The following MTCH2 variants were observed in gnomAD, a reference collection of about 807,000 sequenced individuals.
The protein encoded by MTCH2 is mitochondrial carrier homolog 2.
MTCH2 carries 25 observed loss-of-function variants against 50.6 expected under a neutral mutation model. The observed-to-expected ratio is 0.49, with a 90% CI of 0.36 to 0.69. The LOEUF is 0.69. Ranked by LOEUF, MTCH2 falls within the 30% of genes least tolerant of loss-of-function variation. The probability of loss-of-function intolerance (pLI) is 0.00; values close to 1 mark genes in which losing one functional copy is unlikely to be tolerated. For synonymous variants in MTCH2, 106 were observed against 132.0 expected (o/e 0.80, Z 1.35); for missense variants, 273 against 384.4 (o/e 0.71, Z 2.42).
At chr11:47,619,012 A>C in intron 12 of MTCH2, 93 bp from the exon 13 acceptor site, 1 of 1,121,686 alleles carries the variant, frequency 8.9e-7, no homozygotes, top group Non-Finnish European at 1.3e-6. Flanking sequence ...GGGAGACGTG[A>C]CTAAATCTAG....
At chr11:47,641,226 C>T (rs73465695) in intron 1 of MTCH2, among the ~76,000 whole-genome samples, 3,192 of 152,284 alleles carry the variant, frequency 0.021, 73 homozygotes, top group African/African-American at 0.061. Context: ...CATGCTGTCA[C>T]CTCCGATGCT....
chr11:47,611,546 T>G, the MTCH2 span, among the ~76,000 whole-genome samples: 1 of 152,256 alleles, frequency 6.6e-6, no homozygotes, highest in Non-Finnish European at 1.5e-5. Flanking sequence ...TAGTCCATTC[T>G]CTTGGCTGCC....
the MTCH2 span, among the ~76,000 whole-genome samples, chr11:47,605,445 A>G: frequency 1.3e-5 from 2 of 151,984 alleles, no homozygotes; most frequent in African/African-American, 2.4e-5. Context: ...ATCTAAATGC[A>G]GGTCTCTCCA....
intron 1 of MTCH2, among the ~76,000 whole-genome samples, chr11:47,640,658 C>T (rs991530489): frequency 6.6e-6 from 1 of 152,052 alleles, no homozygotes; most frequent in South Asian, 2.1e-4. Flanking sequence ...TCAGGTGAAC[C>T]GCCTGTTTCA....
At chr11:47,633,339 T>C (rs2097305078) in intron 5 of MTCH2, among the ~76,000 whole-genome samples, 1 of 149,184 alleles carries the variant, frequency 6.7e-6, no homozygotes, top group Admixed American at 6.8e-5. Context: ...CTCAATCTCC[T>C]GACTTCGTGA....
downstream of MTCH2, among the ~76,000 whole-genome samples, chr11:47,614,868 G>A (rs185656012): frequency 4.8e-3 from 729 of 152,022 alleles, 5 homozygotes; most frequent in Non-Finnish European, 7.6e-3. Flanking sequence ...GTGAGCCACC[G>A]CACCCAGTCT....
intron 5 of MTCH2, among the ~76,000 whole-genome samples, chr11:47,633,112 T>C (rs2097304724): frequency 1.4e-5 from 1 of 69,508 alleles, no homozygotes; most frequent in African/African-American, 5.5e-5. Flanking sequence ...CATGTATCCC[T>C]GCTTTTTTTT....
chr11:47,630,253 C>T (rs747266043), intron 8 of MTCH2, among the ~76,000 whole-genome samples: 9 of 152,246 alleles, frequency 5.9e-5, no homozygotes, highest in Middle Eastern at 3.4e-3. Context: ...GTGATCCAAC[C>T]GCCTTGGCCT....
chr11:47,632,559 C>T (rs957796661), intron 5 of MTCH2, among the ~76,000 whole-genome samples: 4 of 151,902 alleles, frequency 2.6e-5, no homozygotes, highest in Admixed American at 1.3e-4. Flanking sequence ...ACGGTTTCAC[C>T]GTGTTAGCCA....
At chr11:47,633,143 G>A (rs188968171) in intron 5 of MTCH2, among the ~76,000 whole-genome samples, 128 of 126,938 alleles carry the variant, frequency 1.0e-3, no homozygotes, top group Middle Eastern at 0.014. Context: ...AGGGAGTCTC[G>A]CTGTCTCCCA....
At chr11:47,631,382 C>T (rs2097302900) in intron 6 of MTCH2, among the ~76,000 whole-genome samples, 1 of 151,986 alleles carries the variant, frequency 6.6e-6, no homozygotes, top group Non-Finnish European at 1.5e-5. Context: ...GCACTCCAGC[C>T]TGGGCAACAA....
At chr11:47,625,819 G>A in intron 10 of MTCH2, 78 bp from the exon 11 acceptor site, 4 of 1,136,144 alleles carry the variant, frequency 3.5e-6, no homozygotes, top group Non-Finnish European at 5.2e-6. Context: ...TAAAGGCCTA[G>A]TGCCACTGCG....
downstream of MTCH2, among the ~76,000 whole-genome samples, chr11:47,616,499 G>A (rs1276945262): frequency 2.0e-5 from 3 of 151,254 alleles, no homozygotes; most frequent in Non-Finnish European, 2.9e-5. Flanking sequence ...CACCATGCCC[G>A]ACTAATTTTT....
the MTCH2 span, among the ~76,000 whole-genome samples, chr11:47,608,261 C>T: frequency 6.6e-6 from 1 of 152,340 alleles, no homozygotes; most frequent in South Asian, 2.1e-4. Flanking sequence ...GTAGCTTTGA[C>T]TCTGACTATG....
At position 47,625,648 on chromosome 11, in the gene MTCH2, T is replaced by C. The variant is rs184871712; in HGVS notation, c.749+26A>G. ...TGTCAGCATACAGTCAACCACCTAC[T>C]AGAATAAGAAATACAAAGTGCTTAC... On this transcript the variant is annotated intron_variant, in intron 11 of 12. Transcript: ENST00000302503. 14 of 1,227,478 alleles carry C rather than the reference T, an allele frequency of 1.1e-5. No individual in the cohort carries two copies. The East Asian group carries it at 2.5e-4, about 22-fold the overall frequency. The allele number at this position is 1,227,478 out of a possible 1,614,324, so 76.0% of individuals were successfully genotyped here. A position where few individuals can be genotyped will look rare whatever the true frequency, so the allele number is the denominator to read the frequency against.
In MTCH2 at chr11:47,634,705, T is replaced by A; in HGVS notation, c.336A>T (p.Glu112Asp). The A allele has an allele frequency of 6.2e-7, 1 of 1,611,420 alleles. No individual in the cohort carries two copies. The highest frequency in any genetic ancestry group is 8.5e-7 in the Non-Finnish European group (1 of 1,178,304). Residue 112 changes from glutamate to aspartate, a missense_variant, in exon 5 of 13, where the codon GAA becomes GAT. Glu to Asp is a conservative substitution (Grantham distance 45). Coordinates refer to ENST00000302503, the MANE Select transcript of MTCH2 (RefSeq NM_014342.4). ...EELGPGNVQKEVSSSFDHVIK... is the reference protein window; with the variant it reads ...EELGPGNVQKDVSSSFDHVIK... ...TAACGTGGTCAAAGGAAGATGAGAC[T>A]TCTTTCTGTACATTTCCAGGTCCTA...
intron 1 of MTCH2, among the ~76,000 whole-genome samples, chr11:47,640,985 C>T (rs991497942): frequency 2.0e-5 from 3 of 152,038 alleles, no homozygotes; most frequent in Non-Finnish European, 1.5e-5. Context: ...CAACCTTCAC[C>T]TCCCGGGTTC....
At chr11:47,614,237 G>A (rs1369773115), downstream of MTCH2, among the ~76,000 whole-genome samples, 1 of 152,012 alleles carries the variant, frequency 6.6e-6, no homozygotes, top group Non-Finnish European at 1.5e-5. Context: ...GATAGACCCT[G>A]GTTTGAATTC....
At chr11:47,635,631 T>C in intron 3 of MTCH2, 60 bp from the exon 4 acceptor site, 1 of 1,511,792 alleles carries the variant, frequency 6.6e-7, no homozygotes, top group South Asian at 1.2e-5. Context: ...AAAGAAGACA[T>C]AAAATGAAAA....
Sources: gnomAD v4.1 joint callset for allele counts (sites outside exome capture counted in the v4.1 genomes callset) on GRCh38, gnomAD v4.1.1 for gene constraint, MANE v1.5 for transcripts, NCBI Gene and HGNC (gene_info 2026-07-23, HGNC 2026-07-21) for gene names.